Variants in LDAF1 observed in about 807,000 individuals in gnomAD.
The protein encoded by LDAF1 is lipid droplet assembly factor 1, also known as PROMETHIN.
LDAF1 carries 7 observed loss-of-function variants against 13.5 expected under a neutral mutation model. That is an observed-to-expected ratio of 0.52 (90% CI 0.29 to 0.97). LDAF1 has a LOEUF of 0.97. Ranked by LOEUF, LDAF1 falls within the 50% of genes least tolerant of loss-of-function variation. LDAF1 has a pLI of 0.07. For missense variants in LDAF1, 148 were observed against 193.2 expected (o/e 0.77, Z 1.39); for synonymous variants, 69 against 77.1 (o/e 0.89, Z 0.55).
intron 3 of LDAF1, chr16:21,172,745 C>A: frequency 3.1e-6 from 2 of 644,804 alleles, no homozygotes; most frequent in South Asian, 6.9e-5. Flanking sequence ...TTCCTTGATG[C>A]ACCTGATTCT....
chr16:21,170,722 T>G, intron 3 of LDAF1, 117 bp downstream of exon 3: 1 of 1,249,410 alleles, frequency 8.0e-7, no homozygotes, highest in South Asian at 1.4e-5. Context: ...CCCAGGCTGG[T>G]CTCAAACTCC....
At chr16:21,170,671 C>A (rs1354955367) in intron 3 of LDAF1, 66 bp downstream of exon 3, 2 of 1,598,092 alleles carry the variant, frequency 1.3e-6, no homozygotes, top group African/African-American at 1.3e-5. Flanking sequence ...CTTTTGGGGC[C>A]ATTTAAAAAT....
intron 3 of LDAF1, among the ~76,000 whole-genome samples, chr16:21,171,191 T>C (rs917093430): frequency 6.6e-6 from 1 of 152,192 alleles, no homozygotes; most frequent in African/African-American, 2.4e-5. Flanking sequence ...CTCCTGAAGT[T>C]CCACTACCAA....
At chr16:21,168,913 T>G (rs1214536003) in intron 2 of LDAF1, among the ~76,000 whole-genome samples, 1 of 136,572 alleles carries the variant, frequency 7.3e-6, no homozygotes, top group Non-Finnish European at 1.5e-5. Flanking sequence ...TATTTATATT[T>G]ATTTATATTT....
In LDAF1 at chr16:21,161,207, A is replaced by G; in HGVS notation, c.25A>G (p.Ile9Val). 7 of 1,614,242 alleles carry G rather than the reference A, an allele frequency of 4.3e-6. No individual in the cohort carries two copies. The highest frequency in any genetic ancestry group is 5.9e-6 in the Non-Finnish European group (7 of 1,180,048). The change falls in exon 2 of 5, where the codon ATC becomes GTC. Residue 9 changes from isoleucine (I) to valine (V), a missense_variant. Ile to Val is a conservative substitution (Grantham distance 29). Coordinates refer to ENST00000233047, the MANE Select transcript of LDAF1 (RefSeq NM_001301771.2). ...AATGGCAAAAGAGGAGCCCCAGAGT[A>G]TCTCAAGGGACTTGCAGGAACTGCA... MAKEEPQS[I>V]SRDLQELQKK...
chr16:21,161,887 G>T (rs192980991), intron 2 of LDAF1, among the ~76,000 whole-genome samples: 21 of 152,306 alleles, frequency 1.4e-4, no homozygotes, highest in Admixed American at 1.4e-3. Context: ...GCTGGGCATA[G>T]TGGCTCCCGC....
intron 2 of LDAF1, among the ~76,000 whole-genome samples, chr16:21,162,352 A>G (rs2092984244): frequency 1.3e-5 from 2 of 152,114 alleles, no homozygotes; most frequent in South Asian, 4.1e-4. Flanking sequence ...CGAGTTAGCC[A>G]CTTTTTAGGT....
In LDAF1 at chr16:21,180,218, A is replaced by C. The variant is rs2152852529; in HGVS notation, c.*662A>C. 6.9e-6 allele frequency: 1 copy of C among 145,492 alleles called. No homozygotes were observed. The highest frequency in any genetic ancestry group is 1.5e-5 in the Non-Finnish European group (1 of 66,488). The allele number at this position is 145,492 out of a possible 1,614,324, so 9.0% of individuals were successfully genotyped here. On this transcript the variant is annotated 3_prime_UTR_variant, in exon 5 of 5. Transcript: ENST00000233047. ...GTTCTAAAGAGCTTGTCCTTTAAGT[A>C]ATTTCTTTCTTTTTTTTTTTTTTTT...
intron 2 of LDAF1, among the ~76,000 whole-genome samples, chr16:21,164,964 A>C (rs1167544296): frequency 6.6e-6 from 1 of 152,240 alleles, no homozygotes; most frequent in African/African-American, 2.4e-5. Flanking sequence ...TGCTTAAAGC[A>C]GTGCCCAGCA....
In LDAF1 at chr16:21,175,193, C is replaced by A. The variant is rs377194578; in HGVS notation, c.404+1045C>A. ...GAATCTAAGTCCCAAGTTCATCATA[C>A]TTCATTTAAGCTCCTGCTAAATTGA... On this transcript the variant is annotated intron_variant, in intron 4 of 4. Coordinates refer to ENST00000233047, the MANE Select transcript of LDAF1 (RefSeq NM_001301771.2). Among the ~76,000 whole-genome samples, 17 of 152,344 alleles carry A rather than the reference C, an allele frequency of 1.1e-4. 1 individual carries two copies. In the South Asian group the frequency reaches 3.1e-3, roughly 28 times the overall value.
At chr16:21,169,332 A>G (rs1235809869) in intron 2 of LDAF1, 2 of 185,900 alleles carry the variant, frequency 1.1e-5, no homozygotes, top group Non-Finnish European at 2.0e-5. Context: ...TCTGGAGACA[A>G]GATCTCCCTC....
chr16:21,161,951 A>G (rs2092979536), intron 2 of LDAF1, among the ~76,000 whole-genome samples: 1 of 152,146 alleles, frequency 6.6e-6, no homozygotes. Flanking sequence ...TGAGATCAGA[A>G]GTTCGAGATC....
chr16:21,173,414 G>A (rs1046196594), intron 3 of LDAF1: 3 of 152,340 alleles, frequency 2.0e-5, no homozygotes, highest in African/African-American at 4.8e-5. Flanking sequence ...AGCACTTATG[G>A]GCAAGACAAA....
At chr16:21,159,560 G>A (rs1354324246) in intron 1 of LDAF1, 4 of 983,848 alleles carry the variant, frequency 4.1e-6, no homozygotes, top group Non-Finnish European at 6.1e-6. Flanking sequence ...AAGGGGAAAG[G>A]GTTAGCTGGT....
chr16:21,159,962 GTCCCCTCCTCAACTT>G (rs559620943), intron 1 of LDAF1: 2 of 985,274 alleles, frequency 2.0e-6, no homozygotes, highest in East Asian at 2.3e-4. Context: ...GGTGGGATTA[GTCCCCTCCTCAACTT>G]TCCCCTCCAA....
intron 2 of LDAF1, chr16:21,165,531 G>C: frequency 1.1e-6 from 1 of 949,626 alleles, no homozygotes; most frequent in Non-Finnish European, 1.3e-6. Context: ...TCCTTCTTTT[G>C]TCATTCCACT....
chr16:21,177,202 G>C (rs144380179), intron 4 of LDAF1: 1 of 152,230 alleles, frequency 6.6e-6, no homozygotes, highest in Non-Finnish European at 1.5e-5. Flanking sequence ...CATTCATTCT[G>C]TTGTGCTATG....
chr16:21,166,876 G>T, intron 2 of LDAF1: 1 of 1,535,730 alleles, frequency 6.5e-7, no homozygotes, highest in Non-Finnish European at 8.7e-7. Context: ...GGACTCTGAT[G>T]ATGGAGTGTC....
Position 21,179,674 on chromosome 16 carries a change from G to A in LDAF1, c.*118G>A, listed in dbSNP as rs111525124. ...AAGCACTCCTTGGCTGTGTCCTCTC[G>A]CTTTTTCACTTACTTGTAGGATCCC... is the stretch of plus-strand genomic sequence containing the variant. On this transcript the variant is annotated 3_prime_UTR_variant, in exon 5 of 5. Transcript: ENST00000233047. 1,409 of 816,730 alleles carry A rather than the reference G, an allele frequency of 1.7e-3. 4 individuals carry two copies. The highest frequency in any genetic ancestry group is 2.2e-3 in the Non-Finnish European group (1,132 of 522,626). 50.6% of individuals were successfully genotyped at this position (816,730 alleles called of 1,614,324 possible).
Sources: gnomAD v4.1 joint callset for allele counts (sites outside exome capture counted in the v4.1 genomes callset) on GRCh38, gnomAD v4.1.1 for gene constraint, MANE v1.5 for transcripts, NCBI Gene and HGNC (gene_info 2026-07-23, HGNC 2026-07-21) for gene names.